ICE1: variants seen among roughly 807,000 people sequenced by gnomAD.
ICE1 encodes interactor of little elongation complex ELL subunit 1.
ICE1 carries 64 observed loss-of-function variants against 192.7 expected under a neutral mutation model. The observed-to-expected ratio is 0.33, with a 90% CI of 0.27 to 0.41. The LOEUF is 0.41. ICE1 is among the 10% of genes least tolerant of loss of function. The pLI, the probability that ICE1 is intolerant of heterozygous loss-of-function variation, is 1.00. For synonymous variants in ICE1, 1,010 were observed against 984.5 expected, an observed-to-expected ratio of 1.03 and a Z score of -0.49; for missense variants, 2,708 against 2,696.0, an observed-to-expected ratio of 1.00 and a Z score of -0.10.
Position 5,464,842 on chromosome 5 carries a change from A to G in ICE1, c.5508A>G (p.Thr1836=). 6.2e-7 allele frequency: 1 copy of G among 1,613,402 alleles called. No homozygotes were observed. Among genetic ancestry groups the G allele is most frequent in the Non-Finnish European group, 8.5e-7 (1 of 1,179,600 alleles). The change falls in exon 13 of 19, where the codon ACA becomes ACG. Residue 1836 remains threonine (T), a synonymous_variant. Transcript: ENST00000296564. The surrounding 1 kb of genome is among the most constrained non-coding windows in gnomAD (Gnocchi z 4.0). Reference sequence around the variant, plus strand: ...AGCAGGATTCAAGCGGGAAAAGAACACTGTCAACGTCTACACTGAGAAGTG... The same window carrying G: ...AGCAGGATTCAAGCGGGAAAAGAACGCTGTCAACGTCTACACTGAGAAGTG... The part of the protein sequence containing the change: ...GTQQDSSGKR[T]LSTSTLRSAK...
chr5:5,478,148 T>G (rs570281937), intron 17 of ICE1, among the ~76,000 whole-genome samples: 30 of 151,954 alleles, frequency 2.0e-4, no homozygotes, highest in South Asian at 6.2e-4. Context: ...GAGAAAGAAA[T>G]AAATAGGAAG....
chr5:5,481,072 A>G (rs890337075), intron 17 of ICE1, among the ~76,000 whole-genome samples: 1 of 152,208 alleles, frequency 6.6e-6, no homozygotes, highest in Non-Finnish European at 1.5e-5. Flanking sequence ...GGTGACATCT[A>G]TATATCTGGA....
In ICE1 at chr5:5,465,031, G is replaced by A; in HGVS notation, c.5697G>A (p.Gln1899=). The A allele has an allele frequency of 6.2e-7, 1 of 1,613,986 alleles. No homozygotes were observed. Among genetic ancestry groups the A allele is most frequent in the East Asian group, 2.2e-5 (1 of 44,882 alleles). ...CSSPAVSAVS[Q]LPLSPKETVE... ...GTCCAGCCGTCAGTGCAGTTTCACAGTTGCCTTTAAGCCCAAAAGAAACTG... is the reference window on the plus strand; with the variant it reads ...GTCCAGCCGTCAGTGCAGTTTCACAATTGCCTTTAAGCCCAAAAGAAACTG... Residue 1899 remains glutamine (Q), a synonymous_variant, in exon 13 of 19, where the codon CAG becomes CAA. Coordinates refer to ENST00000296564, the MANE Select transcript of ICE1 (RefSeq NM_015325.3).
At chr5:5,445,920 T>C (rs541619624) in intron 7 of ICE1, among the ~76,000 whole-genome samples, 3 of 152,140 alleles carry the variant, frequency 2.0e-5, no homozygotes, top group African/African-American at 7.2e-5. Context: ...GATGGGGTTA[T>C]GTTGGCCAGG....
chr5:5,466,535 A>G (rs1738990540), intron 14 of ICE1, 33 bp downstream of exon 14: 1 of 1,559,532 alleles, frequency 6.4e-7, no homozygotes, highest in Admixed American at 1.9e-5. Context: ...TTGTATTGAA[A>G]ATATACGATT....
At chr5:5,444,476 G>C in intron 7 of ICE1, 150 bp downstream of exon 7, 1 of 567,650 alleles carries the variant, frequency 1.8e-6, no homozygotes. Flanking sequence ...CTATTAGAAA[G>C]AAGTGTGAAT....
At chr5:5,435,665 T>TGTGTG (rs1423578172) in intron 1 of ICE1, among the ~76,000 whole-genome samples, 5 of 120,794 alleles carry the variant, frequency 4.1e-5, no homozygotes, top group Admixed American at 2.1e-4. Context: ...GTGTTTTTTT[T>TGTGTG]TTTTTTTGTT....
At chr5:5,472,231 A>G (rs1240765261) in intron 15 of ICE1, among the ~76,000 whole-genome samples, 1 of 152,202 alleles carries the variant, frequency 6.6e-6, no homozygotes, top group East Asian at 1.9e-4. Flanking sequence ...TAATCTTTTA[A>G]GCACTTAAGC....
chr5:5,438,321 A>T (rs1014720860), intron 3 of ICE1, among the ~76,000 whole-genome samples: 1 of 152,240 alleles, frequency 6.6e-6, no homozygotes, highest in Non-Finnish European at 1.5e-5. Context: ...TTTACAATTC[A>T]AGATGAGATT....
At position 5,462,295 on chromosome 5, in the gene ICE1, T is replaced by A; in HGVS notation, c.2961T>A (p.Pro987=). Residue 987 remains proline, a synonymous_variant, in exon 13 of 19, where the codon CCT becomes CCA. Coordinates refer to ENST00000296564, the MANE Select transcript of ICE1 (RefSeq NM_015325.3). The part of the protein sequence containing the change: ...VQGDGQKQRQ[P]QATDLDSSGT... ...GAGATGGGCAGAAGCAAAGGCAGCC[T>A]CAGGCCACAGATCTGGACTCCAGTG... The A allele has an allele frequency of 2.5e-6, 4 of 1,613,862 alleles. No individual in the cohort carries two copies. Among genetic ancestry groups the A allele is most frequent in the Non-Finnish European group, 3.4e-6 (4 of 1,179,844 alleles).
intron 1 of ICE1, among the ~76,000 whole-genome samples, chr5:5,424,774 C>G (rs1168859598): frequency 6.6e-6 from 1 of 152,154 alleles, no homozygotes; most frequent in African/African-American, 2.4e-5. Context: ...AGAAAAGTCT[C>G]CCATACAGTG....
Position 5,462,159 on chromosome 5 carries a change from G to A in ICE1, c.2825G>A (p.Gly942Asp), listed in dbSNP as rs780798790. ...RRKLDFNSPG[G>D]SSPVENSDCS... ...AAATTAGATTTTAATTCTCCAGGTG[G>A]TTCTTCACCAGTAGAAAATTCTGAT... The change falls in exon 13 of 19, where the codon GGT becomes GAT. Residue 942 changes from glycine to aspartate, a missense_variant. By Grantham distance (94) the Gly-to-Asp change is moderately conservative. Around this residue, in one of 2 missense-constraint regions of ICE1, gnomAD observed 2,366 missense variants for 2,276.6 expected, o/e 1.04. Coordinates refer to ENST00000296564, the MANE Select transcript of ICE1 (RefSeq NM_015325.3). 6.8e-6 allele frequency: 11 copies of A among 1,613,410 alleles called. No individual in the cohort carries two copies. Among genetic ancestry groups the A allele is most frequent in the South Asian group, 1.1e-5 (1 of 91,014 alleles).
In ICE1 at chr5:5,465,229, A is replaced by G. The variant is rs1468471518; in HGVS notation, c.5892+3A>G. ...ATGAATTTAGCACAACAAAAAAGGT[A>G]TGTGGCTGCTCTTTTCTAAGTGCAT... On this transcript the variant is annotated splice_donor_region_variant and intron_variant, in intron 13 of 18. Transcript: ENST00000296564. The G allele has an allele frequency of 2.6e-6, 4 of 1,549,146 alleles. No individual in the cohort carries two copies. The highest frequency in any genetic ancestry group is 3.5e-6 in the Non-Finnish European group (4 of 1,143,918).
chr5:5,447,210 T>C (rs147202970), intron 7 of ICE1, among the ~76,000 whole-genome samples: 2 of 152,302 alleles, frequency 1.3e-5, no homozygotes, highest in African/African-American at 2.4e-5. Flanking sequence ...AGGCCTGCGC[T>C]AGTTCTGTGG....
chr5:5,477,764 A>C (rs1201453614), intron 17 of ICE1, among the ~76,000 whole-genome samples: 1 of 152,216 alleles, frequency 6.6e-6, no homozygotes, highest in Non-Finnish European at 1.5e-5. Flanking sequence ...ATCCAGCAGC[A>C]TATCAAAAAC....
intron 6 of ICE1, 92 bp from the exon 7 acceptor site, chr5:5,444,197 T>A (rs1738135565): frequency 1.3e-6 from 1 of 773,968 alleles, no homozygotes. Flanking sequence ...TACAAATATT[T>A]GTAATTTAAA....
intron 7 of ICE1, among the ~76,000 whole-genome samples, chr5:5,444,626 A>G (rs1278744052): frequency 6.6e-6 from 1 of 152,254 alleles, no homozygotes; most frequent in Non-Finnish European, 1.5e-5. Flanking sequence ...TAATTTGGAA[A>G]GTTGAATCTC....
intron 12 of ICE1, among the ~76,000 whole-genome samples, chr5:5,459,610 G>A (rs1193269848): frequency 6.6e-6 from 1 of 152,146 alleles, no homozygotes; most frequent in Non-Finnish European, 1.5e-5. Context: ...TTGAAAAGAA[G>A]GGCAGAATAG....
At chr5:5,450,626 C>T (rs891554736) in intron 10 of ICE1, among the ~76,000 whole-genome samples, 2 of 152,030 alleles carry the variant, frequency 1.3e-5, no homozygotes, top group Non-Finnish European at 1.5e-5. Flanking sequence ...CTGACACCTT[C>T]GTAGGAAATA....
Sources: allele counts gnomAD v4.1 joint callset (sites outside exome capture counted in the v4.1 genomes callset), GRCh38; gene constraint gnomAD v4.1.1; regional missense constraint gnomAD v4.1.1; non-coding constraint Gnocchi (gnomAD v3.1); transcripts MANE v1.5; gene names NCBI Gene and HGNC (gene_info 2026-07-23, HGNC 2026-07-21).